Variants in PPP3CA observed in about 807,000 individuals in gnomAD.
PPP3CA encodes the protein protein phosphatase 3 catalytic subunit alpha, also known as CAM-PRP catalytic subunit.
A neutral mutation model predicts 66.5 loss-of-function variants in PPP3CA; 14 were observed. The observed-to-expected ratio is 0.21, with a 90% CI of 0.14 to 0.33. PPP3CA has a LOEUF of 0.33. Ranked by LOEUF, PPP3CA falls within the 10% of genes least tolerant of loss-of-function variation. The probability of loss-of-function intolerance (pLI) is 1.00; values close to 1 mark genes in which losing one functional copy is unlikely to be tolerated. For missense variants in PPP3CA, 317 were observed against 639.5 expected (o/e 0.50, Z 5.44); for synonymous variants, 232 against 226.2 (o/e 1.03, Z -0.23).
intron 3 of PPP3CA, among the ~76,000 whole-genome samples, chr4:101,103,750 G>C (rs1381949489): frequency 6.6e-6 from 1 of 152,184 alleles, no homozygotes; most frequent in Non-Finnish European, 1.5e-5. Context: ...GGGAGTTTGA[G>C]GAAGTGAATA....
intron 1 of PPP3CA, among the ~76,000 whole-genome samples, chr4:101,197,782 C>A (rs1724847437): frequency 6.6e-6 from 1 of 152,016 alleles, no homozygotes; most frequent in Non-Finnish European, 1.5e-5. Flanking sequence ...ACAGGAGAAA[C>A]CTGAGGCTCA....
chr4:101,321,069 A>G (rs182862829), intron 1 of PPP3CA, among the ~76,000 whole-genome samples: 1 of 152,322 alleles, frequency 6.6e-6, no homozygotes, highest in African/African-American at 2.4e-5. Context: ...CTTACAAGAC[A>G]AAGTATTTTT....
chr4:101,283,736 T>C (rs1174204175), intron 1 of PPP3CA, among the ~76,000 whole-genome samples: 1 of 151,986 alleles, frequency 6.6e-6, no homozygotes, highest in Non-Finnish European at 1.5e-5. Context: ...ACAATCAGAT[T>C]TTCTCTCCCT....
chr4:101,209,818 T>C (rs1236316256), intron 1 of PPP3CA, among the ~76,000 whole-genome samples: 2 of 152,112 alleles, frequency 1.3e-5, no homozygotes, highest in Non-Finnish European at 2.9e-5. Flanking sequence ...CCACCAAAAT[T>C]AGATTTTGTT....
intron 1 of PPP3CA, among the ~76,000 whole-genome samples, chr4:101,199,460 A>G: frequency 6.6e-6 from 1 of 152,218 alleles, no homozygotes; most frequent in Non-Finnish European, 1.5e-5. Context: ...GCTCTTTCCA[A>G]AACAATTTTT....
chr4:101,053,683 A>T (rs763090708), intron 10 of PPP3CA, among the ~76,000 whole-genome samples: 39 of 151,962 alleles, frequency 2.6e-4, no homozygotes, highest in Non-Finnish European at 5.0e-4. Context: ...AACAGAACTC[A>T]TCTTTCTCCT....
intron 2 of PPP3CA, among the ~76,000 whole-genome samples, chr4:101,139,790 T>TAA (rs1722747743): frequency 6.8e-6 from 1 of 147,164 alleles, no homozygotes; most frequent in Admixed American, 7.1e-5. Context: ...ACACAAAAGA[T>TAA]AAAAGGCTTT....
intron 2 of PPP3CA, among the ~76,000 whole-genome samples, chr4:101,157,397 T>G (rs1723357172): frequency 6.6e-6 from 1 of 151,752 alleles, no homozygotes; most frequent in South Asian, 2.1e-4. Context: ...ACAATAGAAA[T>G]AGGAAAAAGA....
At chr4:101,272,440 G>A (rs778135752) in intron 1 of PPP3CA, among the ~76,000 whole-genome samples, 5 of 152,134 alleles carry the variant, frequency 3.3e-5, no homozygotes, top group Admixed American at 1.3e-4. Flanking sequence ...TACAAGATAC[G>A]TAGGACAATA....
intron 2 of PPP3CA, among the ~76,000 whole-genome samples, chr4:101,170,619 C>A (rs1459575039): frequency 6.6e-6 from 1 of 151,564 alleles, no homozygotes. Flanking sequence ...AAATGTTCAC[C>A]ATGCTTGGGT....
At chr4:101,184,542 T>C (rs1052093720) in intron 2 of PPP3CA, among the ~76,000 whole-genome samples, 1 of 152,210 alleles carries the variant, frequency 6.6e-6, no homozygotes, top group Admixed American at 6.5e-5. Context: ...AATTTTATAT[T>C]GATTACATGT....
At chr4:101,106,445 GAAA>G (rs1730714446) in intron 3 of PPP3CA, among the ~76,000 whole-genome samples, 2 of 12,192 alleles carry the variant, frequency 1.6e-4, no homozygotes, top group African/African-American at 5.7e-4. Flanking sequence ...AAGAAAGAAA[GAAA>G]GAAAGAGAAA....
chr4:101,227,117 C>T (rs1725807325), intron 1 of PPP3CA, among the ~76,000 whole-genome samples: 1 of 73,932 alleles, frequency 1.4e-5, no homozygotes, highest in Non-Finnish European at 3.2e-5. Context: ...TGTGTACATA[C>T]ACACATACAT....
At chr4:101,195,268 A>C (rs1461750467) in intron 2 of PPP3CA, among the ~76,000 whole-genome samples, 1 of 14,730 alleles carries the variant, frequency 6.8e-5, no homozygotes, top group Admixed American at 7.8e-4. Flanking sequence ...ACTTCATCTC[A>C]AAAAAAAAAA....
chr4:101,202,568 C>T (rs1208308876), intron 1 of PPP3CA, among the ~76,000 whole-genome samples: 1 of 152,062 alleles, frequency 6.6e-6, no homozygotes, highest in Non-Finnish European at 1.5e-5. Context: ...CCACAGCTAG[C>T]CCCTAAGAAC....
intron 1 of PPP3CA, among the ~76,000 whole-genome samples, chr4:101,283,035 A>C (rs556850650): frequency 6.6e-6 from 1 of 152,334 alleles, no homozygotes; most frequent in South Asian, 2.1e-4. Context: ...ATTCTCAATC[A>C]AAGCTCTTTC....
intron 8 of PPP3CA, among the ~76,000 whole-genome samples, chr4:101,065,709 T>C (rs530558991): frequency 1.3e-5 from 2 of 152,240 alleles, no homozygotes; most frequent in East Asian, 3.9e-4. Flanking sequence ...ATGTTTGAAT[T>C]CTAGTCCTAG....
chr4:101,083,785 C>T (rs575363923), intron 6 of PPP3CA, among the ~76,000 whole-genome samples: 192 of 152,230 alleles, frequency 1.3e-3, no homozygotes, highest in African/African-American at 4.3e-3. Flanking sequence ...TCCTCCCATA[C>T]GGTGGGAAAT....
chr4:101,342,774 A>G (rs1729857144), intron 1 of PPP3CA, among the ~76,000 whole-genome samples: 1 of 152,156 alleles, frequency 6.6e-6, no homozygotes, highest in Admixed American at 6.5e-5. Flanking sequence ...CCACAAATAA[A>G]TGACATTATT....
Sources: gnomAD v4.1 joint callset for allele counts (sites outside exome capture counted in the v4.1 genomes callset) on GRCh38, gnomAD v4.1.1 for gene constraint, MANE v1.5 for transcripts, NCBI Gene and HGNC (gene_info 2026-07-23, HGNC 2026-07-21) for gene names.